The following EPC2 variants were observed in gnomAD, a reference collection of about 807,000 sequenced individuals.
EPC2 encodes enhancer of polycomb 2.
A neutral mutation model predicts 92.1 loss-of-function variants in EPC2; 14 were observed. The ratio of observed to expected loss-of-function variants is 0.15; its 90% CI spans 0.10 to 0.24. The LOEUF is 0.24. EPC2 is among the 10% of genes least tolerant of loss of function. EPC2 has a pLI of 1.00. For synonymous variants in EPC2, 340 were observed against 334.7 expected (o/e 1.02, Z -0.17); for missense variants, 755 against 971.5 (o/e 0.78, Z 2.96).
At chr2:148,748,188 C>CTT (rs1315463564) in intron 3 of EPC2, among the ~76,000 whole-genome samples, 1 of 152,086 alleles carries the variant, frequency 6.6e-6, no homozygotes, top group African/African-American at 2.4e-5. Context: ...CCCCTTCTCT[C>CTT]TCTTTCTTCT....
chr2:148,731,077 A>G (rs1458549632), intron 2 of EPC2, among the ~76,000 whole-genome samples: 1 of 152,098 alleles, frequency 6.6e-6, no homozygotes, highest in Non-Finnish European at 1.5e-5. Flanking sequence ...CCTTGCATCT[A>G]CTTTCTCTTT....
chr2:148,783,835 A>T, intron 12 of EPC2, 79 bp downstream of exon 12: 1 of 1,406,780 alleles, frequency 7.1e-7, no homozygotes, highest in East Asian at 2.5e-5. Flanking sequence ...TTGTTTTTTT[A>T]TCCAAGGGGA....
At chr2:148,691,783 A>T (rs939993886) in intron 2 of EPC2, 2 of 730,220 alleles carry the variant, frequency 2.7e-6, no homozygotes, top group African/African-American at 3.5e-5. Context: ...CCTAAGGGCA[A>T]GTTGAGAAAT....
intron 3 of EPC2, among the ~76,000 whole-genome samples, chr2:148,744,515 G>C (rs1284655342): frequency 6.6e-6 from 1 of 151,992 alleles, no homozygotes; most frequent in East Asian, 1.9e-4. Context: ...TTAGAAAACA[G>C]GATACAGAAC....
At chr2:148,737,669 A>G (rs1271867648) in intron 2 of EPC2, among the ~76,000 whole-genome samples, 1 of 152,188 alleles carries the variant, frequency 6.6e-6, no homozygotes, top group Non-Finnish European at 1.5e-5. Flanking sequence ...GCATAGCTAC[A>G]CTGAATGAGG....
intron 1 of EPC2, among the ~76,000 whole-genome samples, chr2:148,649,233 C>T (rs1021007196): frequency 5.3e-5 from 8 of 151,946 alleles, no homozygotes; most frequent in African/African-American, 1.9e-4. Flanking sequence ...AAAAAAAGTA[C>T]CTATATACAG....
chr2:148,671,288 T>TG (rs1491576162), intron 1 of EPC2, among the ~76,000 whole-genome samples: 44 of 94,494 alleles, frequency 4.7e-4, no homozygotes, highest in South Asian at 8.1e-4. Flanking sequence ...TGGATTGTGA[T>TG]TTTTTTTTTT....
intron 2 of EPC2, among the ~76,000 whole-genome samples, chr2:148,719,726 C>CTTAA (rs1682330800): frequency 6.6e-6 from 1 of 152,226 alleles, no homozygotes; most frequent in Admixed American, 6.5e-5. Flanking sequence ...CAGGGGCCCG[C>CTTAA]TTAAAGCAAC....
chr2:148,786,971 G>A lies in EPC2; in HGVS notation c.*594G>A, dbSNP rs1158763438. Reference sequence around the variant, plus strand: ...TAGTATTTTCTATTACTGTGCAGGGGAAAGGGATGGATCGATACATGCAAA... The same window carrying A: ...TAGTATTTTCTATTACTGTGCAGGGAAAAGGGATGGATCGATACATGCAAA... On this transcript the variant is annotated 3_prime_UTR_variant, in exon 14 of 14. Coordinates refer to ENST00000258484, the MANE Select transcript of EPC2 (RefSeq NM_015630.4). 2 of 152,618 alleles carry A rather than the reference G, an allele frequency of 1.3e-5. No individual in the cohort carries two copies. Among genetic ancestry groups the A allele is most frequent in the African/African-American group, 2.4e-5 (1 of 41,444 alleles). 9.5% of individuals were successfully genotyped at this position (152,618 alleles called of 1,614,324 possible).
intron 10 of EPC2, among the ~76,000 whole-genome samples, chr2:148,772,815 TAAATC>T (rs576887804): frequency 1.6e-3 from 237 of 152,246 alleles, no homozygotes; most frequent in African/African-American, 5.1e-3. Flanking sequence ...TGACAAATAT[TAAATC>T]AAATCTTTTT....
intron 1 of EPC2, among the ~76,000 whole-genome samples, chr2:148,687,825 C>T (rs1681559775): frequency 6.6e-6 from 1 of 152,136 alleles, no homozygotes; most frequent in South Asian, 2.1e-4. Context: ...TCTCTGCTTT[C>T]TTTAACGGTA....
intron 3 of EPC2, among the ~76,000 whole-genome samples, chr2:148,745,399 G>A (rs1682965137): frequency 6.6e-6 from 1 of 152,090 alleles, no homozygotes; most frequent in Non-Finnish European, 1.5e-5. Flanking sequence ...TAGTGTCCAG[G>A]TGGACAAGGC....
intron 2 of EPC2, among the ~76,000 whole-genome samples, chr2:148,702,264 A>G (rs1036367603): frequency 2.0e-5 from 3 of 152,238 alleles, no homozygotes; most frequent in African/African-American, 7.2e-5. Context: ...GAAAATCAAA[A>G]TCTTGTGTTG....
intron 2 of EPC2, among the ~76,000 whole-genome samples, chr2:148,704,821 T>C (rs927573198): frequency 6.6e-6 from 1 of 152,190 alleles, no homozygotes; most frequent in Non-Finnish European, 1.5e-5. Flanking sequence ...CGGAAAGCCT[T>C]ACACTTCTAA....
chr2:148,714,556 A>T (rs1409167167), intron 2 of EPC2, among the ~76,000 whole-genome samples: 1 of 152,142 alleles, frequency 6.6e-6, no homozygotes, highest in Non-Finnish European at 1.5e-5. Context: ...CTTTTCCTCC[A>T]CAACCTTGCC....
At chr2:148,669,282 A>C (rs1248557931) in intron 1 of EPC2, among the ~76,000 whole-genome samples, 1 of 152,094 alleles carries the variant, frequency 6.6e-6, no homozygotes, top group African/African-American at 2.4e-5. Context: ...GAATATTTTT[A>C]ATGAGTCTCT....
intron 2 of EPC2, among the ~76,000 whole-genome samples, chr2:148,742,931 A>G (rs922124706): frequency 5.3e-5 from 8 of 152,070 alleles, no homozygotes; most frequent in Admixed American, 5.2e-4. Flanking sequence ...TATATAGTAC[A>G]TCTTTTTCTT....
chr2:148,732,761 A>G (rs1371508004), intron 2 of EPC2, among the ~76,000 whole-genome samples: 1 of 152,080 alleles, frequency 6.6e-6, no homozygotes, highest in Non-Finnish European at 1.5e-5. Context: ...AATAGCATTT[A>G]TAGTTTGTTT....
At chr2:148,752,403 G>A (rs1299263470) in intron 3 of EPC2, among the ~76,000 whole-genome samples, 1 of 152,124 alleles carries the variant, frequency 6.6e-6, no homozygotes, top group Admixed American at 6.6e-5. Context: ...GACTGGGGTT[G>A]ACATCACCAT....
Sources: gnomAD v4.1 joint callset for allele counts (sites outside exome capture counted in the v4.1 genomes callset) on GRCh38, gnomAD v4.1.1 for gene constraint, MANE v1.5 for transcripts, NCBI Gene and HGNC (gene_info 2026-07-23, HGNC 2026-07-21) for gene names.